OSGIN2: variants seen among roughly 807,000 people sequenced by gnomAD.
The protein encoded by OSGIN2 is oxidative stress-induced growth inhibitor 2.
A neutral mutation model predicts 53.8 loss-of-function variants in OSGIN2; 19 were observed. The observed-to-expected ratio is 0.35, with a 90% CI of 0.25 to 0.52. The LOEUF (loss-of-function observed/expected upper bound fraction) is 0.52. OSGIN2 is among the 20% of genes least tolerant of loss of function. OSGIN2 has a pLI of 0.95. For missense variants in OSGIN2, 520 were observed against 662.7 expected (o/e 0.78, Z 2.36); for synonymous variants, 236 against 236.0 (o/e 1.00, Z 0.00).
rs531530595 is a variant in OSGIN2, at chr8:89,905,963, TAAG to T, written c.44+3129_44+3131del. Among the ~76,000 whole-genome samples the T allele has an allele frequency of 4.5e-3, 685 of 152,284 alleles. 5 individuals carry two copies. Among genetic ancestry groups the T allele is most frequent in the African/African-American group, 0.015 (644 of 41,566 alleles). ...TAATAGCATCAAAAAATGAAATACA[TAAG>T]AATAAATTTAATAAATGCAATACTT... On this transcript the variant is annotated intron_variant, in intron 1 of 5. Transcript: ENST00000451899.
intron 1 of OSGIN2, among the ~76,000 whole-genome samples, chr8:89,906,043 G>A (rs1365588351): frequency 1.3e-5 from 2 of 152,128 alleles, no homozygotes; most frequent in Non-Finnish European, 2.9e-5. Flanking sequence ...TAAATAAATG[G>A]AAAGGAATTC....
At chr8:89,910,503 G>C (rs1586000479) in intron 2 of OSGIN2, among the ~76,000 whole-genome samples, 1 of 152,136 alleles carries the variant, frequency 6.6e-6, no homozygotes, top group Non-Finnish European at 1.5e-5. Flanking sequence ...TAGTAGGAAG[G>C]GGAGAAAATT....
rs1441087111 is a variant in OSGIN2, at chr8:89,927,623, G to GCAAA, written c.*2094_*2097dup. The GCAAA allele has an allele frequency of 6.6e-6, 1 of 152,146 alleles. No individual in the cohort carries two copies. Among genetic ancestry groups the GCAAA allele is most frequent in the Non-Finnish European group, 1.5e-5 (1 of 68,022 alleles). 9.4% of individuals were successfully genotyped at this position (152,146 alleles called of 1,614,324 possible). On this transcript the variant is annotated 3_prime_UTR_variant, in exon 6 of 6. Transcript: ENST00000451899. ...CCCTCGATGCCTGGCTTGGTGTCTG[G>GCAAA]CAAACAGTCCATAATTAGCAGATGT...
intron 1 of OSGIN2, among the ~76,000 whole-genome samples, chr8:89,907,070 T>TA (rs1259093643): frequency 6.6e-6 from 1 of 152,242 alleles, no homozygotes; most frequent in East Asian, 1.9e-4. Context: ...TGTCTTCTTT[T>TA]GAGAAGTGTC....
intron 2 of OSGIN2, among the ~76,000 whole-genome samples, chr8:89,913,331 C>T (rs1444700917): frequency 6.6e-6 from 1 of 152,144 alleles, no homozygotes; most frequent in Non-Finnish European, 1.5e-5. Context: ...GACAGCCGGC[C>T]TTTGAAGCTA....
intron 1 of OSGIN2, among the ~76,000 whole-genome samples, chr8:89,904,113 A>T (rs757909342): frequency 6.6e-6 from 1 of 152,220 alleles, no homozygotes; most frequent in Non-Finnish European, 1.5e-5. Context: ...ATTGTTTCAT[A>T]TAATAAACTG....
At chr8:89,920,917 T>A (rs1304564761) in intron 4 of OSGIN2, among the ~76,000 whole-genome samples, 163 bp from the exon 5 acceptor site, 1 of 152,216 alleles carries the variant, frequency 6.6e-6, no homozygotes, top group South Asian at 2.1e-4. Context: ...ATTGGAGTAA[T>A]GTTTTTGAGG....
chr8:89,916,956 A>T (rs1809092484), intron 4 of OSGIN2, among the ~76,000 whole-genome samples: 1 of 152,136 alleles, frequency 6.6e-6, no homozygotes, highest in African/African-American at 2.4e-5. Flanking sequence ...TGAACAGATG[A>T]TGCCATTTTC....
In OSGIN2 at chr8:89,909,747, A is replaced by C. The variant is rs375588018; in HGVS notation, c.199+26A>C. ...GTAAGTTATTGTATTTTATCTTTTA[A>C]AATTATAGTTAATGACCCTTAATAC... On this transcript the variant is annotated intron_variant, in intron 2 of 5. Coordinates refer to ENST00000451899, the MANE Select transcript of OSGIN2 (RefSeq NM_001126111.3). 21 of 1,462,426 alleles carry C rather than the reference A, an allele frequency of 1.4e-5. No homozygotes were observed. In the African/African-American group the frequency reaches 2.7e-4, roughly 19 times the overall value. The allele number at this position is 1,462,426 out of a possible 1,614,324, so 90.6% of individuals were successfully genotyped here.
intron 2 of OSGIN2, among the ~76,000 whole-genome samples, chr8:89,913,224 G>A (rs192233430): frequency 4.6e-5 from 7 of 152,190 alleles, no homozygotes; most frequent in East Asian, 1.9e-4. Context: ...TTAGAAAGGC[G>A]GTTTAATTTT....
intron 2 of OSGIN2, among the ~76,000 whole-genome samples, chr8:89,911,772 A>G (rs1026588691): frequency 1.4e-4 from 22 of 151,796 alleles, no homozygotes; most frequent in Admixed American, 7.2e-4. Flanking sequence ...GTCTCTACTA[A>G]AAATACAAAA....
chr8:89,911,632 A>G (rs1808969886), intron 2 of OSGIN2, among the ~76,000 whole-genome samples: 1 of 150,912 alleles, frequency 6.6e-6, no homozygotes, highest in African/African-American at 2.4e-5. Flanking sequence ...CTGTCTAAAA[A>G]AAAAAAAAAA....
chr8:89,916,345 G>T (rs1203246869), intron 4 of OSGIN2, among the ~76,000 whole-genome samples: 2 of 152,110 alleles, frequency 1.3e-5, no homozygotes. Context: ...ATACCTAAAA[G>T]TTGCTGATTT....
Position 89,925,033 on chromosome 8 carries a change from TA to T in OSGIN2, c.1153del (p.Ile385PhefsTer19). On this transcript the variant is annotated frameshift_variant, in exon 6 of 6. Transcript: ENST00000451899. LOFTEE classifies it high-confidence loss of function. ...VFRRRVTDPS[L>X]IFKQLPKKLY... ...CGCAGACGAGTAACTGATCCAAGCT[TA>T]ATTTTCAAACAGCTTCCCAAAAAGC... is the stretch of plus-strand genomic sequence containing the variant. 1 of 1,613,738 alleles carries T rather than the reference TA, an allele frequency of 6.2e-7. No homozygotes were observed.
chr8:89,909,350 CA>C (rs2130693910), intron 1 of OSGIN2, among the ~76,000 whole-genome samples: 1 of 152,052 alleles, frequency 6.6e-6, no homozygotes, highest in South Asian at 2.1e-4. Context: ...GAGAGAAAAG[CA>C]ACTATTAATA....
chr8:89,904,870 T>C (rs1808802605), intron 1 of OSGIN2, among the ~76,000 whole-genome samples: 1 of 152,190 alleles, frequency 6.6e-6, no homozygotes, highest in Admixed American at 6.5e-5. Flanking sequence ...ACATCTATTG[T>C]CTAACATCTG....
At position 89,904,886 on chromosome 8, in the gene OSGIN2, A is replaced by G. The variant is rs554011849; in HGVS notation, c.44+2049A>G. Among the ~76,000 whole-genome samples the G allele has an allele frequency of 8.8e-4, 134 of 152,352 alleles. 2 individuals carry two copies. In the South Asian group the frequency reaches 0.026, roughly 30 times the overall value. Reference sequence around the variant, plus strand: ...CATCTATTGTCTAACATCTGAATGGATAAGTAGTGAGAGAACTGTCCACTA... The same window carrying G: ...CATCTATTGTCTAACATCTGAATGGGTAAGTAGTGAGAGAACTGTCCACTA... On this transcript the variant is annotated intron_variant, in intron 1 of 5. Transcript: ENST00000451899.
chr8:89,903,951 C>T (rs1276854237), intron 1 of OSGIN2, among the ~76,000 whole-genome samples: 1 of 152,044 alleles, frequency 6.6e-6, no homozygotes, highest in African/African-American at 2.4e-5. Context: ...GAACAGTATT[C>T]AGAGAAGAGG....
chr8:89,920,087 ACT>A (rs1306455680), intron 4 of OSGIN2, among the ~76,000 whole-genome samples: 4 of 151,978 alleles, frequency 2.6e-5, no homozygotes, highest in Admixed American at 6.6e-5. Flanking sequence ...TACAGGTGAA[ACT>A]CTCAGGTTCC....
Sources: gnomAD v4.1 joint callset for allele counts (sites outside exome capture counted in the v4.1 genomes callset) on GRCh38, gnomAD v4.1.1 for gene constraint, MANE v1.5 for transcripts, NCBI Gene and HGNC (gene_info 2026-07-23, HGNC 2026-07-21) for gene names.